The following ZNF718 variants were observed in gnomAD, a reference collection of about 807,000 sequenced individuals.
ZNF718 encodes zinc finger protein 718.
Under a neutral mutation model 2.6 loss-of-function variants are expected in ZNF718, and 3 were observed. The ratio of observed to expected loss-of-function variants is 1.16; its 90% confidence interval spans 0.53 to 3.01. The LOEUF (loss-of-function observed/expected upper bound fraction) is 3.01. ZNF718 is among the 30% of genes most tolerant of loss of function. ZNF718 has a pLI of 0.03. For missense variants in ZNF718, 468 were observed against 230.0 expected (o/e 2.03, Z -6.69); for synonymous variants, 135 against 77.9 (o/e 1.73, Z -3.86).
At chr4:144,355 A>G (rs1023223045) in intron 3 of ZNF718, among the ~76,000 whole-genome samples, 3 of 152,230 alleles carry the variant, frequency 2.0e-5, no homozygotes, top group Non-Finnish European at 4.4e-5. Flanking sequence ...ATATGGATTT[A>G]TCTCTGCATT....
chr4:193,979 G>A (rs1444350628), intron 3 of ZNF718, among the ~76,000 whole-genome samples: 2 of 152,168 alleles, frequency 1.3e-5, no homozygotes, highest in African/African-American at 2.4e-5. Flanking sequence ...CCCCTATTAG[G>A]CATTTGATTT....
chr4:183,757 T>C (rs1190605754), intron 3 of ZNF718, among the ~76,000 whole-genome samples: 1 of 152,196 alleles, frequency 6.6e-6, no homozygotes, highest in Non-Finnish European at 1.5e-5. Flanking sequence ...TATTGTATTC[T>C]TTTTGTGGCA....
rs1352673517 is a variant in ZNF718, at chr4:163,522, A to G, written c.*1400A>G. On this transcript the variant is annotated 3_prime_UTR_variant, in exon 4 of 4. Transcript: ENST00000510175. Reference sequence around the variant, plus strand: ...AGGACATTGAAAGATGCATGAGATGATGCATACATCTTTGTGGTTGACTTA... The same window carrying G: ...AGGACATTGAAAGATGCATGAGATGGTGCATACATCTTTGTGGTTGACTTA... 1 of 152,198 alleles carries G rather than the reference A, an allele frequency of 6.6e-6. No homozygotes were observed. Among genetic ancestry groups the G allele is most frequent in the East Asian group, 1.9e-4 (1 of 5,192 alleles). The allele number at this position is 152,198 out of a possible 1,614,324, so 9.4% of individuals were successfully genotyped here. A position where few individuals can be genotyped will look rare whatever the true frequency, so the allele number is the denominator to read the frequency against.
At chr4:192,691 A>T (rs1177787048) in intron 3 of ZNF718, among the ~76,000 whole-genome samples, 4 of 152,168 alleles carry the variant, frequency 2.6e-5, no homozygotes, top group African/African-American at 9.7e-5. Flanking sequence ...TCAACATCAG[A>T]GCAGGGGCTA....
chr4:145,312 CT>C (rs1372952660), intron 3 of ZNF718, among the ~76,000 whole-genome samples: 10 of 152,116 alleles, frequency 6.6e-5, no homozygotes, highest in African/African-American at 2.4e-4. Context: ...TTCTTTCATG[CT>C]TTCTTCCCTT....
chr4:144,348 T>C (rs1205607991), intron 3 of ZNF718, among the ~76,000 whole-genome samples: 2 of 152,238 alleles, frequency 1.3e-5, no homozygotes, highest in Admixed American at 6.5e-5. Context: ...TGCTGTAATA[T>C]GGATTTATCT....
At chr4:185,843 C>T (rs2108814631) in intron 3 of ZNF718, among the ~76,000 whole-genome samples, 1 of 152,186 alleles carries the variant, frequency 6.6e-6, no homozygotes, top group East Asian at 1.9e-4. Flanking sequence ...TATCTATTTG[C>T]TTGGTAAATT....
intron 3 of ZNF718, among the ~76,000 whole-genome samples, chr4:182,339 C>CT: frequency 6.6e-6 from 1 of 152,072 alleles, no homozygotes. Flanking sequence ...TGTTTTGTGA[C>CT]TTTTTTGTTA....
intron 3 of ZNF718, among the ~76,000 whole-genome samples, chr4:139,289 A>T (rs1031134855): frequency 1.3e-5 from 2 of 151,980 alleles, no homozygotes; most frequent in Non-Finnish European, 1.5e-5. Flanking sequence ...TTTTGATTTA[A>T]TTTTTTTTAG....
intron 3 of ZNF718, among the ~76,000 whole-genome samples, chr4:190,628 G>T (rs1269736066): frequency 6.6e-6 from 1 of 152,176 alleles, no homozygotes; most frequent in Middle Eastern, 3.4e-3. Context: ...CTGAGCTAAC[G>T]AGAAGATTAG....
At chr4:176,108 A>T (rs1399153897) in intron 3 of ZNF718, among the ~76,000 whole-genome samples, 2 of 152,108 alleles carry the variant, frequency 1.3e-5, no homozygotes, top group African/African-American at 2.4e-5. Flanking sequence ...AAGCACCCTT[A>T]TAAGCTCTAA....
Position 131,811 on chromosome 4 carries a change from C to T in ZNF718, c.226+306C>T, listed in dbSNP as rs1250685597. Among the ~76,000 whole-genome samples the T allele has an allele frequency of 2.3e-4, 21 of 91,814 alleles. 8 individuals are homozygous for T. The highest frequency in any genetic ancestry group is 4.4e-4 in the Non-Finnish European group (19 of 42,992). 60.2% of individuals were successfully genotyped at this position (91,814 alleles called of 152,430 possible). Reference sequence around the variant, plus strand: ...ATTGCTTAAAAACACAGGAGGCGGCCGAGGCGGGTGGATCATGAGGTCAGG... The same window carrying T: ...ATTGCTTAAAAACACAGGAGGCGGCTGAGGCGGGTGGATCATGAGGTCAGG... On this transcript the variant is annotated intron_variant, in intron 3 of 3. Transcript: ENST00000510175.
intron 3 of ZNF718, among the ~76,000 whole-genome samples, chr4:191,265 C>T (rs1320392682): frequency 6.7e-6 from 1 of 149,884 alleles, no homozygotes; most frequent in African/African-American, 2.5e-5. Flanking sequence ...TCTCCTGTCT[C>T]AGCCTCCTGA....
At chr4:136,222 A>G (rs781929829) in intron 3 of ZNF718, among the ~76,000 whole-genome samples, 27 of 152,150 alleles carry the variant, frequency 1.8e-4, no homozygotes, top group Admixed American at 1.8e-3. Context: ...TTTGGCTTCT[A>G]CTGACTACCG....
At chr4:124,847 G>A in intron 1 of ZNF718, 174 bp downstream of exon 1, 1 of 779,194 alleles carries the variant, frequency 1.3e-6, no homozygotes, top group Non-Finnish European at 2.0e-6. Context: ...CTCTGGCCCA[G>A]CCTGCAGCCC....
intron 3 of ZNF718, among the ~76,000 whole-genome samples, chr4:140,628 T>G (rs1236392774): frequency 6.6e-6 from 1 of 152,206 alleles, no homozygotes; most frequent in Admixed American, 6.5e-5. Flanking sequence ...GTTCACAGCC[T>G]TCATTGGATT....
chr4:162,269 T>C lies in ZNF718; in HGVS notation c.*147T>C. On this transcript the variant is annotated 3_prime_UTR_variant, in exon 4 of 4. Transcript: ENST00000510175. ...CTAAACATAAGAGAAATGGTATTGG[T>C]GAGAAGCCATAAAAATATGAAAAAT... The C allele has an allele frequency of 2.0e-6, 1 of 502,444 alleles. No individual in the cohort carries two copies. The highest frequency in any genetic ancestry group is 3.6e-6 in the Non-Finnish European group (1 of 280,448). The allele number at this position is 502,444 out of a possible 1,614,324, so 31.1% of individuals were successfully genotyped here.
intron 3 of ZNF718, among the ~76,000 whole-genome samples, chr4:169,646 C>T (rs1333150880): frequency 6.6e-6 from 1 of 152,144 alleles, no homozygotes; most frequent in African/African-American, 2.4e-5. Context: ...AGTTTAAAGT[C>T]TGTTTTATCA....
At chr4:177,327 C>G (rs965390906) in intron 3 of ZNF718, among the ~76,000 whole-genome samples, 7 of 152,146 alleles carry the variant, frequency 4.6e-5, no homozygotes, top group Non-Finnish European at 7.4e-5. Flanking sequence ...GACACACTGA[C>G]TGCAGCTCAG....
Sources: allele counts gnomAD v4.1 joint callset (sites outside exome capture counted in the v4.1 genomes callset), GRCh38; gene constraint gnomAD v4.1.1; transcripts MANE v1.5; gene names NCBI Gene and HGNC (gene_info 2026-07-23, HGNC 2026-07-21).